The following MRTFB variants were observed in gnomAD, a reference collection of about 807,000 sequenced individuals.
MRTFB encodes myocardin-related transcription factor B.
MRTFB carries 29 observed loss-of-function variants against 104.2 expected under a neutral mutation model. The ratio of observed to expected loss-of-function variants is 0.28; its 90% CI spans 0.21 to 0.38. The LOEUF (loss-of-function observed/expected upper bound fraction) is 0.38, where lower values mean the gene tolerates loss of function less well. Ranked by LOEUF, MRTFB falls within the 10% of genes least tolerant of loss-of-function variation. The pLI is 1.00. For missense variants in MRTFB, 1,270 were observed against 1,341.6 expected, an observed-to-expected ratio of 0.95 and a Z score of 0.83; for synonymous variants, 535 against 519.5, an observed-to-expected ratio of 1.03 and a Z score of -0.41.
intron 3 of MRTFB, among the ~76,000 whole-genome samples, chr16:14,159,194 T>G (rs1349224036): frequency 2.6e-5 from 4 of 152,176 alleles, no homozygotes; most frequent in African/African-American, 9.7e-5. Context: ...TCTCAAGTTG[T>G]ATTCTTCTTT....
At chr16:14,010,019 GATAA>G in the MRTFB span, among the ~76,000 whole-genome samples, 3 of 152,098 alleles carry the variant, frequency 2.0e-5, no homozygotes, top group Non-Finnish European at 4.4e-5. Context: ...TCCATCTGGA[GATAA>G]ATAAAGGAGA....
At chr16:14,247,583 C>CCT (rs1173271957) in intron 12 of MRTFB, 76 bp downstream of exon 12, 1 of 1,341,286 alleles carries the variant, frequency 7.5e-7, no homozygotes, top group Non-Finnish European at 1.0e-6. Context: ...AGGCACCATA[C>CCT]CTGAGCTCTT....
the MRTFB span, among the ~76,000 whole-genome samples, chr16:14,018,317 T>C: frequency 6.6e-6 from 1 of 152,282 alleles, no homozygotes; most frequent in African/African-American, 2.4e-5. Context: ...TATCTAACTT[T>C]ACAGGGTTGC....
chr16:14,057,010 A>G, the MRTFB span, among the ~76,000 whole-genome samples: 2 of 152,192 alleles, frequency 1.3e-5, no homozygotes, highest in Admixed American at 6.5e-5. Context: ...TCTCCTGTGG[A>G]AATGGTTGAC....
At chr16:14,168,722 G>A (rs2039329320) in intron 3 of MRTFB, among the ~76,000 whole-genome samples, 1 of 152,060 alleles carries the variant, frequency 6.6e-6, no homozygotes, top group Non-Finnish European at 1.5e-5. Context: ...TATTTCTTTG[G>A]GTATGTATGT....
chr16:14,014,623 A>C, the MRTFB span, among the ~76,000 whole-genome samples: 1 of 151,992 alleles, frequency 6.6e-6, no homozygotes, highest in Non-Finnish European at 1.5e-5. Flanking sequence ...GGAGGCCAAG[A>C]CAGGTGGATC....
intron 2 of MRTFB, among the ~76,000 whole-genome samples, chr16:14,085,971 G>T (rs1394736527): frequency 6.6e-6 from 1 of 152,134 alleles, no homozygotes; most frequent in Non-Finnish European, 1.5e-5. Context: ...TAGGAAACTA[G>T]ATCTTGTTAA....
chr16:14,197,933 T>A (rs962759443), intron 3 of MRTFB, among the ~76,000 whole-genome samples: 1 of 152,334 alleles, frequency 6.6e-6, no homozygotes, highest in Non-Finnish European at 1.5e-5. Flanking sequence ...TCCTTTTTTT[T>A]AATTACTGAA....
Position 14,261,493 on chromosome 16 carries a change from A to G in MRTFB, c.*49A>G. ...GTTGATGAGGTTTAAGAACATGAAG[A>G]TTCTAAAAGGTCAGTTTTTAGAGAT... is the stretch of plus-strand genomic sequence containing the variant. On this transcript the variant is annotated 3_prime_UTR_variant, in exon 17 of 17. Transcript: ENST00000571589. The G allele has an allele frequency of 6.6e-7, 1 of 1,507,036 alleles. No individual in the cohort carries two copies. The highest frequency in any genetic ancestry group is 8.9e-7 in the Non-Finnish European group (1 of 1,120,360). 93.4% of individuals were successfully genotyped at this position (1,507,036 alleles called of 1,614,324 possible). A position where few individuals can be genotyped will look rare whatever the true frequency, so the allele number is the denominator to read the frequency against.
rs371204814 is a variant in MRTFB at position 14,159,840 on chromosome 16, G to C, written c.154+19080G>C. Reference sequence around the variant, plus strand: ...AGCTACTCGGGAGGCTGAGGCAGGAGAATGGCGTGAACCCGGGAGGCGGAG... The same window carrying C: ...AGCTACTCGGGAGGCTGAGGCAGGACAATGGCGTGAACCCGGGAGGCGGAG... On this transcript the variant is annotated intron_variant, in intron 3 of 16. Coordinates refer to ENST00000571589, the MANE Select transcript of MRTFB (RefSeq NM_001308142.2). 9.3e-4 allele frequency among the ~76,000 whole-genome samples: 135 copies of C among 145,722 alleles called. 2 individuals carry two copies. In the East Asian group the frequency reaches 0.025, roughly 27 times the overall value.
At chr16:14,088,250 A>G (rs547026192) in intron 2 of MRTFB, among the ~76,000 whole-genome samples, 5 of 152,262 alleles carry the variant, frequency 3.3e-5, no homozygotes, top group East Asian at 1.9e-4. Context: ...GCCTTGTGCA[A>G]TGTCTTTTGT....
chr16:14,234,307 G>C (rs1425301764), intron 9 of MRTFB, 24 bp downstream of exon 9: 1 of 1,609,286 alleles, frequency 6.2e-7, no homozygotes. Context: ...ATACACCCTG[G>C]GTTTGGTGGC....
intron 3 of MRTFB, among the ~76,000 whole-genome samples, chr16:14,196,336 A>C (rs2040429552): frequency 1.3e-5 from 2 of 152,186 alleles, no homozygotes; most frequent in African/African-American, 4.8e-5. Flanking sequence ...CGGTCCTGTT[A>C]GCATTTTAGT....
chr16:14,187,403 A>C (rs567107655), intron 3 of MRTFB, among the ~76,000 whole-genome samples: 2 of 152,208 alleles, frequency 1.3e-5, no homozygotes, highest in Non-Finnish European at 2.9e-5. Flanking sequence ...TGCTTCTTTT[A>C]GGTTTCCAAA....
At chr16:13,997,172 T>A in the MRTFB span, among the ~76,000 whole-genome samples, 1 of 152,192 alleles carries the variant, frequency 6.6e-6, no homozygotes, top group Non-Finnish European at 1.5e-5. Context: ...GGCCCCACGT[T>A]CCCCTCTGCA....
chr16:14,214,228 G>A (rs1481006136), intron 6 of MRTFB, among the ~76,000 whole-genome samples: 1 of 152,130 alleles, frequency 6.6e-6, no homozygotes, highest in Non-Finnish European at 1.5e-5. Context: ...ATTCTCGAAA[G>A]CTTATACCTC....
At chr16:14,090,928 G>A (rs902448358) in intron 2 of MRTFB, among the ~76,000 whole-genome samples, 1 of 147,376 alleles carries the variant, frequency 6.8e-6, no homozygotes, top group Non-Finnish European at 1.5e-5. Flanking sequence ...GTGTAGTTCT[G>A]TATAGTCACA....
chr16:14,156,232 C>T (rs13336701), intron 3 of MRTFB, among the ~76,000 whole-genome samples: 8,598 of 152,230 alleles, frequency 0.056, 747 homozygotes, highest in African/African-American at 0.19. Flanking sequence ...ATTGTTATTC[C>T]ATCATGGCTG....
chr16:14,161,686 T>C (rs1171196317), intron 3 of MRTFB, among the ~76,000 whole-genome samples: 1 of 152,128 alleles, frequency 6.6e-6, no homozygotes. Flanking sequence ...TCAATATATA[T>C]ATTGAACAGA....
Sources: gnomAD v4.1 joint callset for allele counts (sites outside exome capture counted in the v4.1 genomes callset) on GRCh38, gnomAD v4.1.1 for gene constraint, MANE v1.5 for transcripts, NCBI Gene and HGNC (gene_info 2026-07-23, HGNC 2026-07-21) for gene names.